Variants in RIMS1 observed in about 807,000 individuals in gnomAD.
RIMS1 encodes regulating synaptic membrane exocytosis 1.
A neutral mutation model predicts 214.1 loss-of-function variants in RIMS1; 83 were observed. The observed-to-expected ratio is 0.39, with a 90% CI of 0.32 to 0.47. The LOEUF is 0.47. Among genes scored for constraint, RIMS1 ranks in the 20% least tolerant of loss-of-function variants. RIMS1 has a pLI of 0.99. For missense variants in RIMS1, 2,050 were observed against 2,161.8 expected (o/e 0.95, Z 1.03); for synonymous variants, 793 against 786.8 (o/e 1.01, Z -0.13).
chr6:71,999,816 T>C (rs1804571474), intron 2 of RIMS1, among the ~76,000 whole-genome samples: 1 of 152,166 alleles, frequency 6.6e-6, no homozygotes, highest in Admixed American at 6.6e-5. Flanking sequence ...TTTCATCTTT[T>C]GTAGTCAGCA....
intron 2 of RIMS1, among the ~76,000 whole-genome samples, chr6:72,008,474 T>A (rs1808772068): frequency 6.6e-6 from 1 of 152,112 alleles, no homozygotes; most frequent in South Asian, 2.1e-4. Context: ...CACATAACAA[T>A]ATTAACGTTC....
chr6:72,257,660 A>C (rs1211220722), intron 16 of RIMS1, among the ~76,000 whole-genome samples: 1 of 152,162 alleles, frequency 6.6e-6, no homozygotes, highest in African/African-American at 2.4e-5. Context: ...CTTATTAAAG[A>C]GGCCACCTGC....
intron 2 of RIMS1, among the ~76,000 whole-genome samples, chr6:72,084,339 A>G (rs1321435209): frequency 6.6e-6 from 1 of 152,194 alleles, no homozygotes; most frequent in Non-Finnish European, 1.5e-5. Flanking sequence ...TTCCTAATTC[A>G]TATCCTACTT....
At chr6:71,946,760 A>G (rs1787926775) in intron 1 of RIMS1, among the ~76,000 whole-genome samples, 2 of 151,678 alleles carry the variant, frequency 1.3e-5, no homozygotes, top group South Asian at 4.2e-4. Context: ...AAGTATAGGC[A>G]ACGAAAGCAA....
intron 2 of RIMS1, among the ~76,000 whole-genome samples, chr6:71,980,450 G>A (rs1262845486): frequency 1.3e-5 from 2 of 152,104 alleles, no homozygotes; most frequent in Non-Finnish European, 2.9e-5. Flanking sequence ...AGGCAAGGGG[G>A]ACATTGAATA....
intron 6 of RIMS1, among the ~76,000 whole-genome samples, chr6:72,220,524 A>G (rs2058036552): frequency 6.6e-6 from 1 of 152,082 alleles, no homozygotes; most frequent in South Asian, 2.1e-4. Flanking sequence ...ACAAAGGTAC[A>G]CCACTTCTCA....
intron 23 of RIMS1, among the ~76,000 whole-genome samples, chr6:72,275,801 A>G (rs1421407904): frequency 6.6e-6 from 1 of 152,242 alleles, no homozygotes; most frequent in Non-Finnish European, 1.5e-5. Context: ...CATTTATTCA[A>G]TAAAAACTTA....
intron 2 of RIMS1, among the ~76,000 whole-genome samples, chr6:72,033,192 AAAC>A: frequency 6.6e-6 from 1 of 152,200 alleles, no homozygotes; most frequent in Admixed American, 6.5e-5. Context: ...ACAGTTCAAA[AAAC>A]AAAATCACGG....
intron 2 of RIMS1, among the ~76,000 whole-genome samples, chr6:72,071,670 A>G (rs1186933296): frequency 6.6e-6 from 1 of 152,212 alleles, no homozygotes; most frequent in Non-Finnish European, 1.5e-5. Context: ...ATGACCAAGA[A>G]AAATCTAATG....
intron 17 of RIMS1, among the ~76,000 whole-genome samples, 192 bp from the exon 18 acceptor site, chr6:72,258,794 A>C (rs1163144994): frequency 6.6e-6 from 1 of 152,188 alleles, no homozygotes; most frequent in East Asian, 1.9e-4. Flanking sequence ...AGAAGGTTGG[A>C]GAAATGCAGC....
rs546376832 is a variant in RIMS1 at position 72,384,552 on chromosome 6, T to TC, written c.4367-6041dup. On this transcript the variant is annotated intron_variant, in intron 29 of 33. Coordinates refer to ENST00000521978, the MANE Select transcript of RIMS1 (RefSeq NM_014989.7). ...TCTGTACCATTGCACTTACTGCTTT[T>TC]CCCCCACCTTAAAAGGTCCTCCTAT... Among the ~76,000 whole-genome samples, 336 of 152,286 alleles carry TC rather than the reference T, an allele frequency of 2.2e-3. 1 individual carries two copies. The highest frequency in any genetic ancestry group is 3.0e-3 in the Non-Finnish European group (201 of 68,018).
chr6:72,241,398 A>T (rs2066854463), intron 9 of RIMS1, among the ~76,000 whole-genome samples: 1 of 152,218 alleles, frequency 6.6e-6, no homozygotes, highest in Non-Finnish European at 1.5e-5. Flanking sequence ...GAAGAGTCTA[A>T]GGCAGAGAAC....
intron 2 of RIMS1, among the ~76,000 whole-genome samples, chr6:72,083,196 G>A (rs1280687089): frequency 1.3e-5 from 2 of 152,078 alleles, no homozygotes; most frequent in Admixed American, 6.6e-5. Flanking sequence ...AAATTTTTCT[G>A]TATATCATTC....
chr6:72,225,151 C>A (rs1210556290), intron 6 of RIMS1, among the ~76,000 whole-genome samples: 3 of 152,044 alleles, frequency 2.0e-5, no homozygotes, highest in Non-Finnish European at 2.9e-5. Context: ...CAAAAACAAA[C>A]TATTCATAGT....
At chr6:71,955,843 A>G (rs1233672251) in intron 1 of RIMS1, among the ~76,000 whole-genome samples, 7 of 152,128 alleles carry the variant, frequency 4.6e-5, no homozygotes. Flanking sequence ...TCAAAACTAA[A>G]AGATTACTTC....
At chr6:71,921,788 C>T (rs1780077804) in intron 1 of RIMS1, among the ~76,000 whole-genome samples, 1 of 152,090 alleles carries the variant, frequency 6.6e-6, no homozygotes, top group Non-Finnish European at 1.5e-5. Context: ...CATAAAGAAA[C>T]CTATTTTTGT....
chr6:72,242,294 C>T lies in RIMS1; in HGVS notation c.1958-20C>T, dbSNP rs1213243958. 8.5e-6 allele frequency: 13 copies of T among 1,520,518 alleles called. No individual in the cohort carries two copies. In the Admixed American group the frequency reaches 2.6e-4, roughly 30 times the overall value. 94.2% of individuals were successfully genotyped at this position (1,520,518 alleles called of 1,614,324 possible). On this transcript the variant is annotated intron_variant, in intron 9 of 33. Coordinates refer to ENST00000521978, the MANE Select transcript of RIMS1 (RefSeq NM_014989.7). ...ACAGAATATATAAGGTAAAAAAATA[C>T]CCTTTTTTTTAAATTCAAGGGGATG...
intron 22 of RIMS1, among the ~76,000 whole-genome samples, chr6:72,271,285 AAATATATATATATATAT>A (rs2083155404): frequency 4.4e-5 from 1 of 22,896 alleles, no homozygotes; most frequent in African/African-American, 2.2e-4. Context: ...AAAAAAAAAA[AAATATATATATATATAT>A]ATATATATAT....
Position 72,397,421 on chromosome 6 carries a change from A to T in RIMS1, c.4619-828A>T, listed in dbSNP as rs76640326. Among the ~76,000 whole-genome samples the T allele has an allele frequency of 4.3e-3, 653 of 152,350 alleles. 7 individuals carry two copies. Among genetic ancestry groups the T allele is most frequent in the Admixed American group, 6.9e-3 (106 of 15,306 alleles). ...AATTAAGCATTTTTTTGATACTGAT[A>T]TTAGACATATTGCTAATACCAATGT... On this transcript the variant is annotated intron_variant, in intron 31 of 33. Coordinates refer to ENST00000521978, the MANE Select transcript of RIMS1 (RefSeq NM_014989.7).
Sources: allele counts gnomAD v4.1 joint callset (sites outside exome capture counted in the v4.1 genomes callset), GRCh38; gene constraint gnomAD v4.1.1; transcripts MANE v1.5; gene names NCBI Gene and HGNC (gene_info 2026-07-23, HGNC 2026-07-21).